The following TNRC6C variants were observed in gnomAD, a reference collection of about 807,000 sequenced individuals.
TNRC6C encodes the protein trinucleotide repeat containing adaptor 6C, also known as trinucleotide repeat-containing gene 6C protein.
Under a neutral mutation model 153.7 loss-of-function variants are expected in TNRC6C, and 20 were observed. The ratio of observed to expected loss-of-function variants is 0.13; its 90% CI spans 0.09 to 0.19. The LOEUF (loss-of-function observed/expected upper bound fraction) is 0.19. Ranked by LOEUF, TNRC6C falls within the 10% of genes least tolerant of loss-of-function variation. The pLI is 1.00. For missense variants in TNRC6C, 1,987 were observed against 2,172.0 expected (o/e 0.91, Z 1.69); for synonymous variants, 811 against 841.4 (o/e 0.96, Z 0.63).
chr17:77,977,483 T>C (rs2071017405), intron 1 of TNRC6C, among the ~76,000 whole-genome samples: 1 of 152,206 alleles, frequency 6.6e-6, no homozygotes, highest in Non-Finnish European at 1.5e-5. Flanking sequence ...TTTTTTATGA[T>C]ATGTTGCAAA....
chr17:78,050,074 G>T lies in TNRC6C; in HGVS notation c.1012G>T (p.Gly338Cys), dbSNP rs781403556. ...CCACCCCAGCCGAAGCACCTCTAAC[G>T]GTGTGAATGGGGAATGGGGAAAGCC... The change falls in exon 3 of 20, where the codon GGT (glycine) becomes TGT (cysteine). Residue 338 changes from glycine (G) to cysteine (C), a missense_variant. Physicochemically the swap from Gly to Cys is radical, Grantham distance 159. Coordinates refer to ENST00000301624, the Ensembl canonical transcript of TNRC6C. The T allele has an allele frequency of 5.6e-6, 9 of 1,610,314 alleles. No individual in the cohort carries two copies. In the East Asian group the frequency reaches 2.0e-4, roughly 36 times the overall value.
At chr17:78,039,237 C>T (rs2072242809) in intron 2 of TNRC6C, among the ~76,000 whole-genome samples, 1 of 152,030 alleles carries the variant, frequency 6.6e-6, no homozygotes, top group Non-Finnish European at 1.5e-5. Flanking sequence ...TGATAAAGAG[C>T]AGCCTGTGTT....
chr17:78,103,833 T>C (rs1347120405), intron 19 of TNRC6C, among the ~76,000 whole-genome samples: 6 of 152,312 alleles, frequency 3.9e-5, no homozygotes, highest in Middle Eastern at 3.4e-3. Flanking sequence ...TCTCTCCTTA[T>C]AAGGACACCA....
chr17:78,089,708 C>T (rs1447681388), intron 13 of TNRC6C, among the ~76,000 whole-genome samples: 2 of 151,958 alleles, frequency 1.3e-5, no homozygotes, highest in African/African-American at 4.8e-5. Context: ...TTACAGGGCT[C>T]TAGAGAAGGA....
chr17:78,017,485 C>A (rs1305242803), intron 1 of TNRC6C, among the ~76,000 whole-genome samples: 1 of 152,212 alleles, frequency 6.6e-6, no homozygotes, highest in East Asian at 1.9e-4. Context: ...GTCTCAGAGA[C>A]CTCAACAGCT....
chr17:78,083,434 T>G (rs1225903895), intron 11 of TNRC6C, among the ~76,000 whole-genome samples: 1 of 152,248 alleles, frequency 6.6e-6, no homozygotes. Context: ...ACTCCTGGAC[T>G]CAAGGGATCC....
chr17:78,013,054 C>T (rs1176580733), intron 1 of TNRC6C, among the ~76,000 whole-genome samples: 2 of 152,132 alleles, frequency 1.3e-5, no homozygotes, highest in Non-Finnish European at 2.9e-5. Context: ...TTATCCCAGT[C>T]ATCTTAAACC....
chr17:78,013,937 G>A (rs185817817), intron 1 of TNRC6C, among the ~76,000 whole-genome samples: 1 of 152,204 alleles, frequency 6.6e-6, no homozygotes, highest in Non-Finnish European at 1.5e-5. Context: ...TTTTGCCTAA[G>A]AGAATAAGAA....
At chr17:78,027,029 A>G (rs1477853086) in intron 1 of TNRC6C, among the ~76,000 whole-genome samples, 4 of 152,164 alleles carry the variant, frequency 2.6e-5, no homozygotes, top group African/African-American at 9.7e-5. Context: ...TATCAAGTAT[A>G]AAAGAGTGGA....
exon 20 of TNRC6C, chr17:78,106,835 A>G (rs2073705548): frequency 6.6e-6 from 1 of 151,618 alleles, no homozygotes; most frequent in Admixed American, 6.6e-5. Flanking sequence ...CTTGTGCATT[A>G]CATTTTTTTA....
At position 78,093,052 on chromosome 17, in the gene TNRC6C, C is replaced by G. The variant is rs1218878233; in HGVS notation, c.4090C>G (p.Pro1364Ala). 3 of 1,613,650 alleles carry G rather than the reference C, an allele frequency of 1.9e-6. No individual in the cohort carries two copies. Among genetic ancestry groups the G allele is most frequent in the African/African-American group, 2.7e-5 (2 of 74,922 alleles). ...ACCAGCCAGTCCTCCCGTAGCTGTT[C>G]CCCATAGCTGGTCACGTGCCAAATC... The change falls in exon 15 of 20, where the codon CCC becomes GCC. Residue 1364 changes from proline (P) to alanine (A), a missense_variant. Around this residue, in one of 4 missense-constraint regions of TNRC6C, gnomAD observed 765 missense variants for 908.6 expected, o/e 0.84. Transcript: ENST00000301624.
At chr17:78,087,359 C>G (rs2073314135) in intron 13 of TNRC6C, among the ~76,000 whole-genome samples, 1 of 152,014 alleles carries the variant, frequency 6.6e-6, no homozygotes, top group Non-Finnish European at 1.5e-5. Context: ...CTCAAGCAAT[C>G]CTCCCACCTC....
intron 16 of TNRC6C, among the ~76,000 whole-genome samples, chr17:78,095,045 A>T (rs546892629): frequency 6.6e-6 from 1 of 152,346 alleles, no homozygotes; most frequent in Admixed American, 6.5e-5. Flanking sequence ...GTTGTGCCAG[A>T]CAGGAAAATT....
chr17:77,997,899 C>A (rs144735693), intron 1 of TNRC6C, among the ~76,000 whole-genome samples: 3,253 of 152,240 alleles, frequency 0.021, 42 homozygotes, highest in Non-Finnish European at 0.033. Context: ...CGTGATCCAC[C>A]CACCTCGGCC....
At chr17:78,053,347 A>C (rs2072576627) in intron 3 of TNRC6C, among the ~76,000 whole-genome samples, 2 of 152,112 alleles carry the variant, frequency 1.3e-5, no homozygotes, top group Non-Finnish European at 2.9e-5. Flanking sequence ...AAATAAGATT[A>C]GGTCGGGCGT....
In TNRC6C at chr17:78,086,505, A is replaced by G. The variant is rs372840738; in HGVS notation, c.3480A>G (p.Ala1160=). 99 of 1,613,720 alleles carry G rather than the reference A, an allele frequency of 6.1e-5. No homozygotes were observed. The Admixed American group carries it at 1.6e-3, about 26-fold the overall frequency. The change falls in exon 12 of 20, where the codon GCA becomes GCG. Residue 1160 remains alanine, a splice_region_variant and synonymous_variant. Coordinates refer to ENST00000301624, the Ensembl canonical transcript of TNRC6C. ...TTAACTCTTCGTTCTGTCAACAGGC[A>G]TACCAACGTTTACAAATCCAGCAGC...
intron 2 of TNRC6C, among the ~76,000 whole-genome samples, chr17:78,042,377 G>A (rs921148425): frequency 6.6e-6 from 1 of 152,038 alleles, no homozygotes; most frequent in African/African-American, 2.4e-5. Flanking sequence ...TACAAACCCT[G>A]GCCACTTAGC....
chr17:77,974,002 T>C (rs1317849481), intron 1 of TNRC6C, among the ~76,000 whole-genome samples: 2 of 125,402 alleles, frequency 1.6e-5, no homozygotes. Flanking sequence ...ACAGGCCAAT[T>C]CTAAAATTTA....
chr17:77,997,142 C>T (rs1045580959), intron 1 of TNRC6C, among the ~76,000 whole-genome samples: 14 of 152,240 alleles, frequency 9.2e-5, no homozygotes, highest in South Asian at 2.1e-4. Flanking sequence ...TCTTAAGAAG[C>T]GTGGTCAGTT....
Sources: allele counts gnomAD v4.1 joint callset (sites outside exome capture counted in the v4.1 genomes callset), GRCh38; gene constraint gnomAD v4.1.1; regional missense constraint gnomAD v4.1.1; transcripts MANE v1.5; gene names NCBI Gene and HGNC (gene_info 2026-07-23, HGNC 2026-07-21).